The following GPHN variants were observed in gnomAD, a reference collection of about 807,000 sequenced individuals.
GPHN encodes gephyrin.
A neutral mutation model predicts 95.5 loss-of-function variants in GPHN; 17 were observed. The ratio of observed to expected loss-of-function variants is 0.18; its 90% confidence interval spans 0.12 to 0.27. GPHN has a LOEUF of 0.27. GPHN is among the 10% of genes least tolerant of loss of function. The pLI is 1.00. For missense variants in GPHN, 660 were observed against 978.1 expected (o/e 0.67, Z 4.34); for synonymous variants, 320 against 322.5 (o/e 0.99, Z 0.08).
At chr14:66,852,665 G>A (rs933894874) in intron 4 of GPHN, among the ~76,000 whole-genome samples, 1 of 152,128 alleles carries the variant, frequency 6.6e-6, no homozygotes, top group African/African-American at 2.4e-5. Context: ...AAGATGTATC[G>A]TTTTCTATCT....
intron 8 of GPHN, among the ~76,000 whole-genome samples, chr14:66,934,601 G>A (rs1283862439): frequency 6.6e-6 from 1 of 152,136 alleles, no homozygotes; most frequent in Non-Finnish European, 1.5e-5. Context: ...TTAACTACTG[G>A]GGGACACAGA....
intron 1 of GPHN, among the ~76,000 whole-genome samples, chr14:66,542,726 T>C (rs2059398999): frequency 6.6e-6 from 1 of 152,208 alleles, no homozygotes; most frequent in African/African-American, 2.4e-5. Flanking sequence ...ATAACAGTTA[T>C]TTGCTTTCCA....
intron 3 of GPHN, among the ~76,000 whole-genome samples, chr14:66,807,458 G>A (rs1384645119): frequency 6.6e-6 from 1 of 152,152 alleles, no homozygotes; most frequent in African/African-American, 2.4e-5. Flanking sequence ...CCTACAGTCT[G>A]GGTTCTTCTA....
At chr14:66,842,563 G>A in intron 4 of GPHN, 1 of 681,900 alleles carries the variant, frequency 1.5e-6, no homozygotes, top group East Asian at 2.8e-5. Flanking sequence ...GAGGAAGGGA[G>A]AAGGTTCAGG....
chr14:66,967,819 A>G (rs1340280641), intron 9 of GPHN, among the ~76,000 whole-genome samples: 1 of 151,978 alleles, frequency 6.6e-6, no homozygotes, highest in African/African-American at 2.4e-5. Context: ...TCATTTAGAT[A>G]GGGTGAGTAG....
At chr14:67,596,295 ATTTTTT>A in the GPHN span, among the ~76,000 whole-genome samples, 24 of 60,222 alleles carry the variant, frequency 4.0e-4, no homozygotes, top group African/African-American at 1.4e-3. Context: ...CGCCCAGCTA[ATTTTTT>A]TTTTTTTTTT....
intron 2 of GPHN, among the ~76,000 whole-genome samples, chr14:66,707,757 C>T (rs1272050956): frequency 1.3e-5 from 2 of 148,766 alleles, no homozygotes; most frequent in Admixed American, 6.7e-5. Context: ...CAAATGTGCA[C>T]GTTCTGTATA....
chr14:67,586,184 C>T, the GPHN span: 5 of 1,428,612 alleles, frequency 3.5e-6, no homozygotes, highest in Admixed American at 3.4e-5. Flanking sequence ...TATGCTAGTG[C>T]TCTGCAAGGG....
At chr14:66,897,654 T>C (rs2064924313) in intron 5 of GPHN, among the ~76,000 whole-genome samples, 1 of 152,162 alleles carries the variant, frequency 6.6e-6, no homozygotes, top group South Asian at 2.1e-4. Context: ...AATTGTTACA[T>C]GGATCAATAA....
intron 4 of GPHN, among the ~76,000 whole-genome samples, 169 bp downstream of exon 4, chr14:66,824,735 T>C (rs2061331281): frequency 6.6e-6 from 1 of 152,196 alleles, no homozygotes; most frequent in Admixed American, 6.5e-5. Flanking sequence ...AAATGTTTCC[T>C]GACTTTTTTT....
intron 1 of GPHN, among the ~76,000 whole-genome samples, chr14:66,609,311 G>A (rs561042782): frequency 6.6e-6 from 1 of 152,042 alleles, no homozygotes. Flanking sequence ...TGAGTAGCCC[G>A]CTACTATCCT....
chr14:67,599,035 T>C, the GPHN span, among the ~76,000 whole-genome samples: 1 of 152,186 alleles, frequency 6.6e-6, no homozygotes. Context: ...TTTAGATAGT[T>C]AGATAGTTTC....
chr14:66,661,272 T>A (rs2065628399), intron 1 of GPHN, among the ~76,000 whole-genome samples: 1 of 152,126 alleles, frequency 6.6e-6, no homozygotes, highest in Non-Finnish European at 1.5e-5. Context: ...ACAGAGTTGC[T>A]GGCGGGAGGG....
At chr14:66,519,833 A>G (rs911845716) in intron 1 of GPHN, among the ~76,000 whole-genome samples, 1 of 152,154 alleles carries the variant, frequency 6.6e-6, no homozygotes, top group Non-Finnish European at 1.5e-5. Context: ...TACAGAGCCT[A>G]TTCATTTAAT....
chr14:67,185,137 T>G (rs2031435878), downstream of GPHN, among the ~76,000 whole-genome samples: 1 of 152,166 alleles, frequency 6.6e-6, no homozygotes, highest in African/African-American at 2.4e-5. Flanking sequence ...AATTTGTGTG[T>G]GAAAAAAGAA....
At chr14:66,677,239 C>CT (rs1389511042) in intron 1 of GPHN, among the ~76,000 whole-genome samples, 1 of 151,898 alleles carries the variant, frequency 6.6e-6, no homozygotes, top group Non-Finnish European at 1.5e-5. Context: ...ACCAGTGTTT[C>CT]TTGTGATCCT....
chr14:66,729,540 A>T (rs972343560), intron 2 of GPHN, among the ~76,000 whole-genome samples: 1 of 152,194 alleles, frequency 6.6e-6, no homozygotes, highest in Non-Finnish European at 1.5e-5. Flanking sequence ...GGAATTTACT[A>T]GAAAGGGAAA....
intron 3 of GPHN, among the ~76,000 whole-genome samples, chr14:66,788,215 G>C (rs995181031): frequency 6.6e-5 from 10 of 152,140 alleles, no homozygotes; most frequent in African/African-American, 2.4e-4. Flanking sequence ...AGGCTGAGGC[G>C]GGAGAATCGC....
chr14:66,640,532 T>G (rs1476162472), intron 1 of GPHN, among the ~76,000 whole-genome samples: 1 of 152,236 alleles, frequency 6.6e-6, no homozygotes, highest in Admixed American at 6.5e-5. Context: ...TTAACAGTTT[T>G]TTTATCCTTT....
Sources: gnomAD v4.1 joint callset for allele counts (sites outside exome capture counted in the v4.1 genomes callset) on GRCh38, gnomAD v4.1.1 for gene constraint, MANE v1.5 for transcripts, NCBI Gene and HGNC (gene_info 2026-07-23, HGNC 2026-07-21) for gene names.